Variants in RAP1A observed in about 807,000 individuals in gnomAD.
RAP1A encodes ras-related protein Rap-1A.
Under a neutral mutation model 26.4 loss-of-function variants are expected in RAP1A, and 6 were observed. The ratio of observed to expected loss-of-function variants is 0.23; its 90% CI spans 0.12 to 0.45. RAP1A has a LOEUF of 0.45. RAP1A is among the 20% of genes least tolerant of loss of function. The pLI, the probability that RAP1A is intolerant of heterozygous loss-of-function variation, is 0.99. For missense variants in RAP1A, 121 were observed against 217.2 expected, an observed-to-expected ratio of 0.56 and a Z score of 2.78; for synonymous variants, 73 against 79.4, an observed-to-expected ratio of 0.92 and a Z score of 0.43.
intron 1 of RAP1A, among the ~76,000 whole-genome samples, chr1:111,551,278 A>G (rs1315486030): frequency 6.6e-6 from 1 of 152,092 alleles, no homozygotes. Context: ...CCATTTTGCT[A>G]TGTATTATGT....
intron 2 of RAP1A, among the ~76,000 whole-genome samples, chr1:111,692,186 G>A (rs1285734888): frequency 6.6e-5 from 10 of 152,142 alleles, no homozygotes; most frequent in Admixed American, 6.5e-4. Context: ...GAGAGAAGGA[G>A]CTGTCAAGGA....
chr1:111,547,488 A>T (rs1657077194), intron 1 of RAP1A, among the ~76,000 whole-genome samples: 1 of 152,192 alleles, frequency 6.6e-6, no homozygotes, highest in Non-Finnish European at 1.5e-5. Flanking sequence ...GGAGTTAAAA[A>T]ATATAAAATA....
intron 3 of RAP1A, 44 bp downstream of exon 3, chr1:111,695,453 TATG>T: frequency 7.4e-7 from 1 of 1,344,612 alleles, no homozygotes. Context: ...AGTAGTTCCT[TATG>T]ATGTTAAAAT....
chr1:111,623,252 C>G (rs1226815342), intron 1 of RAP1A, among the ~76,000 whole-genome samples: 1 of 151,952 alleles, frequency 6.6e-6, no homozygotes, highest in Non-Finnish European at 1.5e-5. Flanking sequence ...TCTCAAACTC[C>G]TGACCTCAAG....
intron 1 of RAP1A, among the ~76,000 whole-genome samples, chr1:111,578,596 GA>G (rs201697208): frequency 3.3e-5 from 5 of 149,454 alleles, no homozygotes; most frequent in African/African-American, 7.4e-5. Context: ...AGTGTAAAAG[GA>G]AAAAAAAAGG....
intron 6 of RAP1A, among the ~76,000 whole-genome samples, chr1:111,704,925 A>G (rs1662141355): frequency 6.6e-6 from 1 of 152,092 alleles, no homozygotes; most frequent in East Asian, 1.9e-4. Context: ...ATGACTCATA[A>G]GTGGGTAATC....
chr1:111,609,766 G>C (rs772158444), intron 1 of RAP1A, among the ~76,000 whole-genome samples: 1 of 152,132 alleles, frequency 6.6e-6, no homozygotes, highest in Non-Finnish European at 1.5e-5. Context: ...CTCCTGAGTA[G>C]CTGGGATTAC....
chr1:111,630,407 A>G (rs1659533548), intron 1 of RAP1A, among the ~76,000 whole-genome samples: 1 of 152,200 alleles, frequency 6.6e-6, no homozygotes, highest in Non-Finnish European at 1.5e-5. Context: ...TGAGTGCTTG[A>G]TACTATTCTA....
intron 4 of RAP1A, among the ~76,000 whole-genome samples, chr1:111,700,038 A>G (rs983322616): frequency 3.3e-5 from 5 of 151,928 alleles, no homozygotes; most frequent in Non-Finnish European, 4.4e-5. Context: ...CTCATTGGTT[A>G]CTCCTAAGTC....
At position 111,647,408 on chromosome 1, in the gene RAP1A, A is replaced by G. The variant is rs975364958; in HGVS notation, c.-28+27474A>G. The stretch of plus-strand genomic sequence containing the variant: ...TACAGTGTAATAATAATAGAAAGAA[A>G]GTGCACAATAAATGTAATGCGTTTG... On this transcript the variant is annotated intron_variant, in intron 1 of 7. Transcript: ENST00000369709. 1.1e-4 allele frequency among the ~76,000 whole-genome samples: 16 copies of G among 152,272 alleles called. No individual in the cohort carries two copies. In the South Asian group the frequency reaches 1.5e-3, roughly 14 times the overall value.
At chr1:111,674,956 T>G (rs1352824006) in intron 1 of RAP1A, among the ~76,000 whole-genome samples, 1 of 152,164 alleles carries the variant, frequency 6.6e-6, no homozygotes, top group Non-Finnish European at 1.5e-5. Flanking sequence ...CTAATCATAT[T>G]AATTGTTTTT....
chr1:111,650,098 T>A (rs1660216933), intron 1 of RAP1A, among the ~76,000 whole-genome samples: 1 of 145,808 alleles, frequency 6.9e-6, no homozygotes, highest in Non-Finnish European at 1.5e-5. Flanking sequence ...GAGTGCTTTT[T>A]TTTTTTTTTT....
upstream of RAP1A, among the ~76,000 whole-genome samples, chr1:111,616,661 A>T (rs1255259223): frequency 6.6e-6 from 1 of 152,152 alleles, no homozygotes; most frequent in Admixed American, 6.5e-5. Flanking sequence ...ACTCCCTTAC[A>T]TAATACTCCT....
intron 1 of RAP1A, among the ~76,000 whole-genome samples, chr1:111,667,397 A>G (rs1421614423): frequency 1.3e-5 from 2 of 152,136 alleles, no homozygotes; most frequent in East Asian, 1.9e-4. Flanking sequence ...TCAAATGTAG[A>G]TTCATGGCTG....
intron 1 of RAP1A, among the ~76,000 whole-genome samples, chr1:111,688,752 C>A (rs1661572567): frequency 6.7e-6 from 1 of 149,422 alleles, no homozygotes; most frequent in South Asian, 2.1e-4. Flanking sequence ...TGTTTATACT[C>A]CTTCAGGAGG....
intron 1 of RAP1A, among the ~76,000 whole-genome samples, chr1:111,574,097 A>G (rs190927350): frequency 4.1e-4 from 62 of 152,322 alleles, no homozygotes; most frequent in African/African-American, 1.3e-3. Context: ...TGAGTTTTAC[A>G]TGTAAGTCTT....
At chr1:111,704,315 T>C in intron 5 of RAP1A, 28 bp from the exon 6 acceptor site, 1 of 1,609,712 alleles carries the variant, frequency 6.2e-7, no homozygotes, top group East Asian at 2.2e-5. Flanking sequence ...TATGTTATTG[T>C]TCATTTTACG....
chr1:111,619,781 G>A (rs902739042), upstream of RAP1A: 3 of 397,416 alleles, frequency 7.5e-6, no homozygotes, highest in South Asian at 1.3e-4. Flanking sequence ...CGTTCTGGAG[G>A]AGGCGCCGCC....
intron 1 of RAP1A, among the ~76,000 whole-genome samples, chr1:111,596,370 A>G (rs1052559585): frequency 2.0e-5 from 3 of 152,222 alleles, no homozygotes; most frequent in African/African-American, 7.2e-5. Context: ...TTCCTAGGCC[A>G]ATCCTTGGGA....
Sources: allele counts gnomAD v4.1 joint callset (sites outside exome capture counted in the v4.1 genomes callset), GRCh38; gene constraint gnomAD v4.1.1; transcripts MANE v1.5; gene names NCBI Gene and HGNC (gene_info 2026-07-23, HGNC 2026-07-21).